SOX5: variants seen among roughly 807,000 people sequenced by gnomAD.
SOX5 encodes the protein transcription factor SOX-5.
In SOX5, 9 loss-of-function variants were observed where a neutral mutation model predicts 92.0. That is an observed-to-expected ratio of 0.10 (90% CI 0.06 to 0.17). SOX5 has a LOEUF of 0.17. Ranked by LOEUF, SOX5 falls within the 10% of genes least tolerant of loss-of-function variation. The pLI is 1.00. For missense variants in SOX5, 642 were observed against 944.5 expected (o/e 0.68, Z 4.20); for synonymous variants, 344 against 336.3 (o/e 1.02, Z -0.25).
intron 2 of SOX5, among the ~76,000 whole-genome samples, chr12:23,856,216 T>C (rs1164698819): frequency 6.6e-6 from 1 of 152,128 alleles, no homozygotes; most frequent in Non-Finnish European, 1.5e-5. Context: ...TCGTTCTTAA[T>C]GTAAAATATT....
At chr12:24,188,441 T>C (rs1956218779) in intron 4 of SOX5, among the ~76,000 whole-genome samples, 1 of 152,142 alleles carries the variant, frequency 6.6e-6, no homozygotes, top group African/African-American at 2.4e-5. Flanking sequence ...ATTTATTCAA[T>C]ACTTAAATGT....
chr12:24,541,965 C>G (rs886771635), intron 1 of SOX5, among the ~76,000 whole-genome samples: 2 of 152,182 alleles, frequency 1.3e-5, no homozygotes, highest in Non-Finnish European at 2.9e-5. Context: ...GACAACATTT[C>G]TTACTTAGGC....
chr12:23,673,337 C>T (rs193085721), intron 6 of SOX5, among the ~76,000 whole-genome samples: 101 of 152,140 alleles, frequency 6.6e-4, no homozygotes, highest in African/African-American at 1.2e-3. Flanking sequence ...TTTCCTAAAG[C>T]GTGTGTGACT....
intron 12 of SOX5, among the ~76,000 whole-genome samples, chr12:23,545,858 A>C (rs1352868643): frequency 1.3e-5 from 2 of 151,106 alleles, no homozygotes; most frequent in Non-Finnish European, 3.0e-5. Flanking sequence ...ACACCATAGT[A>C]AGTAAGTCCT....
chr12:24,160,579 G>A (rs1323097883), intron 4 of SOX5, among the ~76,000 whole-genome samples: 1 of 151,970 alleles, frequency 6.6e-6, no homozygotes, highest in Non-Finnish European at 1.5e-5. Context: ...ATTGATTCAA[G>A]AGAAGGGACT....
At chr12:24,093,833 C>G (rs1471466137) in intron 4 of SOX5, among the ~76,000 whole-genome samples, 1 of 152,132 alleles carries the variant, frequency 6.6e-6, no homozygotes, top group South Asian at 2.1e-4. Flanking sequence ...GTACCAGTTT[C>G]TACTGCCACT....
intron 7 of SOX5, among the ~76,000 whole-genome samples, chr12:23,657,571 A>T (rs2082472576): frequency 6.6e-6 from 1 of 152,132 alleles, no homozygotes; most frequent in Non-Finnish European, 1.5e-5. Flanking sequence ...GTTGTATTGT[A>T]TCATGAACTG....
chr12:24,558,011 G>T (rs1953975282), intron 1 of SOX5, among the ~76,000 whole-genome samples: 1 of 152,090 alleles, frequency 6.6e-6, no homozygotes, highest in South Asian at 2.1e-4. Context: ...GGTATGATTT[G>T]AGTAGTCCTG....
chr12:24,263,001 C>T (rs1254515786), intron 3 of SOX5, among the ~76,000 whole-genome samples: 1 of 151,976 alleles, frequency 6.6e-6, no homozygotes, highest in East Asian at 1.9e-4. Context: ...GTGGGCAGAT[C>T]ACCTGAGGTC....
chr12:24,234,085 C>G (rs1447797186), intron 3 of SOX5, among the ~76,000 whole-genome samples: 1 of 152,178 alleles, frequency 6.6e-6, no homozygotes, highest in African/African-American at 2.4e-5. Flanking sequence ...TGTGCTAGGG[C>G]AGTTTCTGCC....
At chr12:24,449,375 A>C (rs911704619) in intron 1 of SOX5, among the ~76,000 whole-genome samples, 1 of 152,178 alleles carries the variant, frequency 6.6e-6, no homozygotes, top group African/African-American at 2.4e-5. Flanking sequence ...TCCCTTGAGG[A>C]TACTGAACTA....
chr12:23,692,383 G>A lies in SOX5; in HGVS notation c.811-26819C>T, dbSNP rs575341828. On this transcript the variant is annotated intron_variant, in intron 6 of 14. Coordinates refer to ENST00000451604, the MANE Select transcript of SOX5 (RefSeq NM_006940.6). ...TCCCAGGAGGTGGAGGTTGCATTGA[G>A]CTGAGATTGCACCACTGCACTTCAG... Among the ~76,000 whole-genome samples, 112 of 149,910 alleles carry A rather than the reference G, an allele frequency of 7.5e-4. 1 individual carries two copies. The highest frequency in any genetic ancestry group is 1.9e-3 in the Admixed American group (29 of 14,972).
In SOX5 at chr12:23,651,789, A is replaced by T. The variant is rs550708849; in HGVS notation, c.932-10892T>A. On this transcript the variant is annotated intron_variant, in intron 7 of 14. Coordinates refer to ENST00000451604, the MANE Select transcript of SOX5 (RefSeq NM_006940.6). ...CCTGGCATAGAGTAGATGCTCAATT[A>T]AAAAAATGAGCCCCAAAGTAGGAGG... 1.2e-3 allele frequency among the ~76,000 whole-genome samples: 184 copies of T among 151,972 alleles called. 1 individual carries two copies. The highest frequency in any genetic ancestry group is 3.9e-3 in the African/African-American group (163 of 41,498).
intron 3 of SOX5, among the ~76,000 whole-genome samples, chr12:23,756,326 C>T (rs2094376694): frequency 6.6e-6 from 1 of 151,664 alleles, no homozygotes; most frequent in South Asian, 2.1e-4. Flanking sequence ...TAATGGAAAC[C>T]TATTATTTGC....
chr12:23,557,189 A>G (rs1301497620), intron 11 of SOX5, among the ~76,000 whole-genome samples: 5 of 152,192 alleles, frequency 3.3e-5, no homozygotes, highest in African/African-American at 1.2e-4. Context: ...CAATCAGCCT[A>G]TATAGTCTGT....
At chr12:23,787,281 A>G (rs1354898784) in intron 3 of SOX5, among the ~76,000 whole-genome samples, 1 of 152,022 alleles carries the variant, frequency 6.6e-6, no homozygotes, top group Non-Finnish European at 1.5e-5. Context: ...AAGATTTTAA[A>G]TACACCAATC....
intron 2 of SOX5, among the ~76,000 whole-genome samples, chr12:23,855,950 A>C (rs186708235): frequency 6.6e-6 from 1 of 152,262 alleles, no homozygotes; most frequent in African/African-American, 2.4e-5. Flanking sequence ...ATAGAGAACT[A>C]TGTTTAGGGC....
intron 8 of SOX5, among the ~76,000 whole-genome samples, chr12:23,631,361 C>T (rs1592748706): frequency 6.6e-6 from 1 of 152,010 alleles, no homozygotes; most frequent in Non-Finnish European, 1.5e-5. Context: ...CTAAGATAAA[C>T]ATAATCTGTG....
At chr12:23,839,828 T>TA (rs34051233) in intron 3 of SOX5, among the ~76,000 whole-genome samples, 60,658 of 146,454 alleles carry the variant, frequency 0.41, 13,327 homozygotes, top group Middle Eastern at 0.56. Flanking sequence ...CTCAACTTGG[T>TA]AAAAAAAAAA....
Sources: allele counts gnomAD v4.1 joint callset (sites outside exome capture counted in the v4.1 genomes callset), GRCh38; gene constraint gnomAD v4.1.1; transcripts MANE v1.5; gene names NCBI Gene and HGNC (gene_info 2026-07-23, HGNC 2026-07-21).